Variants in SPOP observed in about 807,000 individuals in gnomAD.
SPOP encodes speckle type BTB/POZ protein.
In SPOP, 11 loss-of-function variants were observed where a neutral mutation model predicts 45.6. The ratio of observed to expected loss-of-function variants is 0.24; its 90% CI spans 0.15 to 0.40. The LOEUF (loss-of-function observed/expected upper bound fraction) is 0.40, where lower values mean the gene tolerates loss of function less well. Ranked by LOEUF, SPOP falls within the 10% of genes least tolerant of loss-of-function variation. The pLI is 1.00. For synonymous variants in SPOP, 166 were observed against 166.3 expected, an observed-to-expected ratio of 1.00 and a Z score of 0.01; for missense variants, 152 against 465.6, an observed-to-expected ratio of 0.33 and a Z score of 6.20.
At chr17:49,672,220 G>A (rs749941823) in intron 1 of SPOP, among the ~76,000 whole-genome samples, 14 of 152,172 alleles carry the variant, frequency 9.2e-5, no homozygotes, top group Non-Finnish European at 1.5e-4. Flanking sequence ...TAAAAGAAAT[G>A]ACAGAATCAG....
chr17:49,605,137 T>C (rs1400164849), intron 8 of SPOP, among the ~76,000 whole-genome samples: 1 of 152,230 alleles, frequency 6.6e-6, no homozygotes, highest in Non-Finnish European at 1.5e-5. Context: ...GATTCTAAGA[T>C]CTGCATTTTT....
At chr17:49,673,976 G>A (rs1233648091) in intron 1 of SPOP, among the ~76,000 whole-genome samples, 10 of 151,588 alleles carry the variant, frequency 6.6e-5, no homozygotes, top group East Asian at 1.9e-4. Context: ...GAGAAATCCC[G>A]TCTCTACTAA....
At chr17:49,626,264 T>C (rs1368134850) in intron 1 of SPOP, among the ~76,000 whole-genome samples, 1 of 152,240 alleles carries the variant, frequency 6.6e-6, no homozygotes, top group Non-Finnish European at 1.5e-5. Context: ...CATTCTATAA[T>C]AGTTTTATTA....
At chr17:49,632,850 T>C (rs2072477832) in intron 1 of SPOP, among the ~76,000 whole-genome samples, 1 of 152,226 alleles carries the variant, frequency 6.6e-6, no homozygotes, top group South Asian at 2.1e-4. Context: ...ATATTTGATC[T>C]ATTGTTTTTG....
chr17:49,613,274 TAAAAAAA>T (rs78472735), intron 5 of SPOP, among the ~76,000 whole-genome samples: 3 of 122,498 alleles, frequency 2.4e-5, no homozygotes, highest in Admixed American at 8.3e-5. Context: ...AATACTAATT[TAAAAAAA>T]AAAAAAAAAA....
At chr17:49,659,564 A>T (rs190386454) in intron 1 of SPOP, among the ~76,000 whole-genome samples, 1 of 152,260 alleles carries the variant, frequency 6.6e-6, no homozygotes, top group Admixed American at 6.5e-5. Context: ...ATTAGCACCA[A>T]TTCTTGTTCA....
intron 8 of SPOP, among the ~76,000 whole-genome samples, chr17:49,606,003 T>C (rs865958419): frequency 6.8e-4 from 103 of 150,510 alleles, no homozygotes; most frequent in Non-Finnish European, 3.5e-4. Context: ...AAAAAAAAAA[T>C]AAACAAACAA....
intron 1 of SPOP, among the ~76,000 whole-genome samples, chr17:49,651,333 G>C (rs1352104481): frequency 1.3e-5 from 2 of 152,140 alleles, no homozygotes; most frequent in Admixed American, 6.5e-5. Context: ...CCTCAACCTA[G>C]CTTTCCAGTC....
chr17:49,678,162 C>T (rs2073231021), upstream of SPOP: 1 of 393,250 alleles, frequency 2.5e-6, no homozygotes, highest in African/African-American at 2.1e-5. Context: ...GGCCTCCTCC[C>T]CATTACTCCC....
chr17:49,606,792 G>A (rs1042492400), intron 8 of SPOP, among the ~76,000 whole-genome samples: 1 of 152,058 alleles, frequency 6.6e-6, no homozygotes, highest in Non-Finnish European at 1.5e-5. Flanking sequence ...CACTGTGCCT[G>A]GCCTCTTGTT....
At chr17:49,611,171 T>G in intron 6 of SPOP, 109 bp downstream of exon 6, 13 of 1,219,260 alleles carry the variant, frequency 1.1e-5, no homozygotes, top group Non-Finnish European at 1.5e-5. Context: ...CTGCAGTTTG[T>G]TTTGTAGTTG....
At chr17:49,661,283 C>G (rs2072984572) in intron 1 of SPOP, among the ~76,000 whole-genome samples, 1 of 152,328 alleles carries the variant, frequency 6.6e-6, no homozygotes, top group South Asian at 2.1e-4. Flanking sequence ...CTTCCAAGCT[C>G]TGAGCCCATT....
At chr17:49,671,699 A>AT (rs1436936000) in intron 1 of SPOP, among the ~76,000 whole-genome samples, 2 of 152,152 alleles carry the variant, frequency 1.3e-5, no homozygotes, top group African/African-American at 2.4e-5. Context: ...ATTTACCTCA[A>AT]TTTTTTAGTA....
At chr17:49,657,121 C>G (rs772057086) in intron 1 of SPOP, among the ~76,000 whole-genome samples, 1 of 151,590 alleles carries the variant, frequency 6.6e-6, no homozygotes, top group Non-Finnish European at 1.5e-5. Context: ...GGAGGCGGAG[C>G]TTGCAGTGAG....
chr17:49,657,874 T>C (rs1885603109), intron 1 of SPOP, among the ~76,000 whole-genome samples: 1 of 151,896 alleles, frequency 6.6e-6, no homozygotes, highest in African/African-American at 2.4e-5. Flanking sequence ...GCTAATTTTT[T>C]GTATTTTTAG....
intron 5 of SPOP, among the ~76,000 whole-genome samples, chr17:49,614,292 CA>C (rs2072036484): frequency 6.6e-6 from 1 of 152,100 alleles, no homozygotes; most frequent in South Asian, 2.1e-4. Context: ...TACATTCACA[CA>C]AGACTATTAT....
chr17:49,661,515 G>A (rs1322189339), intron 1 of SPOP, among the ~76,000 whole-genome samples: 2 of 151,930 alleles, frequency 1.3e-5, no homozygotes, highest in Non-Finnish European at 2.9e-5. Context: ...TAACCTTCAC[G>A]AAGACAGTCC....
chr17:49,655,079 A>G (rs369297878), intron 1 of SPOP, among the ~76,000 whole-genome samples: 22 of 152,336 alleles, frequency 1.4e-4, no homozygotes, highest in South Asian at 8.3e-4. Context: ...GATACTTAAC[A>G]TACACCCCTG....
intron 1 of SPOP, chr17:49,646,429 T>C (rs1253995180): frequency 1.3e-5 from 2 of 150,976 alleles, no homozygotes; most frequent in African/African-American, 4.9e-5. Flanking sequence ...CCCTGCATGA[T>C]GGCGCAAGCC....
Sources: gnomAD v4.1 joint callset for allele counts (sites outside exome capture counted in the v4.1 genomes callset) on GRCh38, gnomAD v4.1.1 for gene constraint, MANE v1.5 for transcripts, NCBI Gene and HGNC (gene_info 2026-07-23, HGNC 2026-07-21) for gene names.